Variants in PDE4D observed in about 807,000 individuals in gnomAD.
PDE4D encodes the protein phosphodiesterase 4D.
PDE4D carries 24 observed loss-of-function variants against 87.4 expected under a neutral mutation model. The ratio of observed to expected loss-of-function variants is 0.27; its 90% CI spans 0.20 to 0.39. The LOEUF (loss-of-function observed/expected upper bound fraction) is 0.39. PDE4D is among the 10% of genes least tolerant of loss of function. The probability of loss-of-function intolerance (pLI) is 1.00; values close to 1 mark genes in which losing one functional copy is unlikely to be tolerated. For synonymous variants in PDE4D, 384 were observed against 383.2 expected, an observed-to-expected ratio of 1.00 and a Z score of -0.02; for missense variants, 714 against 1,041.0, an observed-to-expected ratio of 0.69 and a Z score of 4.32.
At chr5:60,520,441 T>A (rs1177519449) in intron 1 of PDE4D, among the ~76,000 whole-genome samples, 1 of 152,202 alleles carries the variant, frequency 6.6e-6, no homozygotes, top group Non-Finnish European at 1.5e-5. Context: ...TTCTCTCAGC[T>A]CCTCACTTTG....
chr5:59,324,243 TG>T (rs1775242967), intron 1 of PDE4D, among the ~76,000 whole-genome samples: 1 of 152,180 alleles, frequency 6.6e-6, no homozygotes, highest in African/African-American at 2.4e-5. Context: ...GTAGCACTTA[TG>T]ATACTATAGT....
intron 1 of PDE4D, among the ~76,000 whole-genome samples, chr5:59,868,366 G>A (rs745559993): frequency 5.3e-5 from 8 of 152,074 alleles, no homozygotes; most frequent in Non-Finnish European, 8.8e-5. Flanking sequence ...AGGTTCTCAT[G>A]TCTGCTTCCG....
chr5:59,221,746 C>T (rs549113664), intron 1 of PDE4D, among the ~76,000 whole-genome samples: 185 of 152,184 alleles, frequency 1.2e-3, no homozygotes, highest in African/African-American at 4.2e-3. Context: ...ACCCATTTGG[C>T]GGGTTTCTTT....
chr5:60,107,562 G>T lies in PDE4D; in HGVS notation c.42+77995C>A, dbSNP rs996510301. Among the ~76,000 whole-genome samples the T allele has an allele frequency of 3.3e-5, 5 of 152,090 alleles. 1 individual carries two copies. Among genetic ancestry groups the T allele is most frequent in the East Asian group, 3.9e-4 (2 of 5,192 alleles). ...CAGGCAGAGACACAACCAAAAAAGA[G>T]AATTTTAGACCAATATCCTTGATGA... On this transcript the variant is annotated intron_variant, in intron 2 of 16. Transcript: ENST00000502484.
intron 1 of PDE4D, among the ~76,000 whole-genome samples, chr5:59,618,002 T>C (rs1404907258): frequency 6.6e-6 from 1 of 151,492 alleles, no homozygotes; most frequent in Non-Finnish European, 1.5e-5. Flanking sequence ...TTGATCATTA[T>C]TTTCTGATTT....
chr5:59,613,330 G>A (rs1004766272), intron 1 of PDE4D, among the ~76,000 whole-genome samples: 32 of 152,174 alleles, frequency 2.1e-4, no homozygotes, highest in African/African-American at 7.7e-4. Flanking sequence ...TTTGGTTTTG[G>A]ACATGCTCAG....
chr5:59,596,301 A>G (rs953180740), intron 1 of PDE4D, among the ~76,000 whole-genome samples: 1 of 151,166 alleles, frequency 6.6e-6, no homozygotes, highest in African/African-American at 2.4e-5. Context: ...AAAATATTTC[A>G]TTTAGAAAAC....
intron 5 of PDE4D, among the ~76,000 whole-genome samples, chr5:59,159,939 T>C (rs1439652291): frequency 6.6e-6 from 1 of 151,764 alleles, no homozygotes; most frequent in Admixed American, 6.6e-5. Flanking sequence ...CTCGTTACTG[T>C]AGGGGAAAAA....
chr5:59,016,466 A>C (rs1344868836), intron 6 of PDE4D, among the ~76,000 whole-genome samples: 1 of 146,286 alleles, frequency 6.8e-6, no homozygotes, highest in Non-Finnish European at 1.5e-5. Context: ...CCCTTACCCC[A>C]ATTCTAATAT....
intron 5 of PDE4D, among the ~76,000 whole-genome samples, chr5:59,131,604 ACACACACACACAC>A (rs1561538930): frequency 1.1e-3 from 89 of 77,928 alleles, no homozygotes; most frequent in African/African-American, 1.6e-3. Context: ...TAAAACACAC[ACACACACACACAC>A]ACACACACAC....
intron 5 of PDE4D, among the ~76,000 whole-genome samples, chr5:59,120,394 T>C (rs1432781171): frequency 6.6e-6 from 1 of 152,196 alleles, no homozygotes; most frequent in Non-Finnish European, 1.5e-5. Flanking sequence ...CATTCATTCA[T>C]TGATTAAATA....
chr5:60,088,457 C>T (rs1329746693), intron 2 of PDE4D, among the ~76,000 whole-genome samples: 1 of 151,630 alleles, frequency 6.6e-6, no homozygotes, highest in Non-Finnish European at 1.5e-5. Flanking sequence ...ATAATCTCAA[C>T]AATTGATTAA....
chr5:60,389,091 G>A (rs1306712157), intron 1 of PDE4D, among the ~76,000 whole-genome samples: 1 of 152,064 alleles, frequency 6.6e-6, no homozygotes, highest in Non-Finnish European at 1.5e-5. Context: ...ATATAGAGAG[G>A]TTTTACACTT....
In PDE4D at chr5:59,388,733, G is replaced by A. The variant is rs184367514; in HGVS notation, c.456-172765C>T. Among the ~76,000 whole-genome samples, 75 of 151,914 alleles carry A rather than the reference G, an allele frequency of 4.9e-4. 1 individual carries two copies. Among genetic ancestry groups the A allele is most frequent in the Middle Eastern group, 3.4e-3 (1 of 294 alleles). On this transcript the variant is annotated intron_variant, in intron 1 of 14. Coordinates refer to ENST00000340635, the MANE Select transcript of PDE4D (RefSeq NM_001104631.2). ...ATTTTGGATAGAATGGACATCAAGGGTATTTGTGACAGATATACCATGAAT... is the reference window on the plus strand; with the variant it reads ...ATTTTGGATAGAATGGACATCAAGGATATTTGTGACAGATATACCATGAAT...
At chr5:59,712,318 T>C (rs965053558) in intron 1 of PDE4D, among the ~76,000 whole-genome samples, 2 of 150,468 alleles carry the variant, frequency 1.3e-5, no homozygotes, top group African/African-American at 4.9e-5. Context: ...TCTATCCATT[T>C]GTCTGTCTCT....
At chr5:59,163,098 G>A (rs1027361475) in intron 5 of PDE4D, among the ~76,000 whole-genome samples, 2 of 141,826 alleles carry the variant, frequency 1.4e-5, no homozygotes, top group South Asian at 2.2e-4. Context: ...ATGCCTCCAT[G>A]CCTGGCTACT....
intron 2 of PDE4D, among the ~76,000 whole-genome samples, chr5:60,078,329 C>G (rs1366637903): frequency 6.6e-6 from 1 of 152,142 alleles, no homozygotes; most frequent in African/African-American, 2.4e-5. Flanking sequence ...GAAATTCCCT[C>G]TTAGCAATGC....
At position 60,063,827 on chromosome 5, in the gene PDE4D, A is replaced by G. The variant is rs146371674; in HGVS notation, c.43-75110T>C. The stretch of plus-strand genomic sequence containing the variant: ...ATTAAGCCTGAGAATCTAGATAGTA[A>G]TAAAAAGATTGAGGGTTTACAGAAG... On this transcript the variant is annotated intron_variant, in intron 2 of 16. Transcript: ENST00000502484. 1.3e-4 allele frequency among the ~76,000 whole-genome samples: 20 copies of G among 152,210 alleles called. No homozygotes were observed. In the East Asian group the frequency reaches 3.7e-3, roughly 28 times the overall value.
chr5:59,312,381 C>T (rs1772863195), intron 1 of PDE4D, among the ~76,000 whole-genome samples: 1 of 152,182 alleles, frequency 6.6e-6, no homozygotes, highest in African/African-American at 2.4e-5. Flanking sequence ...TGCCAACTAC[C>T]CTGGAGGGGC....
Sources: allele counts gnomAD v4.1 joint callset (sites outside exome capture counted in the v4.1 genomes callset), GRCh38; gene constraint gnomAD v4.1.1; transcripts MANE v1.5; gene names NCBI Gene and HGNC (gene_info 2026-07-23, HGNC 2026-07-21).